FAM107B: variants seen among roughly 807,000 people sequenced by gnomAD.
FAM107B encodes the protein protein FAM107B.
FAM107B carries 21 observed loss-of-function variants against 31.5 expected under a neutral mutation model. That is an observed-to-expected ratio of 0.67 (90% CI 0.47 to 0.96). FAM107B has a LOEUF of 0.96. Among genes scored for constraint, FAM107B ranks in the 40% least tolerant of loss-of-function variants. The probability of loss-of-function intolerance (pLI) is 0.00; values close to 1 mark genes in which losing one functional copy is unlikely to be tolerated. For missense variants in FAM107B, 452 were observed against 377.1 expected (o/e 1.20, Z -1.64); for synonymous variants, 157 against 141.5 (o/e 1.11, Z -0.78).
In FAM107B at chr10:14,634,818, C is replaced by T. The variant is rs12247049; in HGVS notation, c.469+32816G>A. Among the ~76,000 whole-genome samples, 1,183 of 152,142 alleles carry T rather than the reference C, an allele frequency of 7.8e-3. 18 individuals carry two copies. Among genetic ancestry groups the T allele is most frequent in the African/African-American group, 0.027 (1,140 of 41,522 alleles). ...TAGAAACCTCAGTCTTGGCCGGGTG[C>T]GGTGTCTCACGCCTATAATCCAGCA... On this transcript the variant is annotated intron_variant, in intron 2 of 4. Coordinates refer to ENST00000181796, the MANE Select transcript of FAM107B (RefSeq NM_031453.4).
chr10:14,545,588 G>A (rs1848620643), intron 2 of FAM107B, among the ~76,000 whole-genome samples: 1 of 152,210 alleles, frequency 6.6e-6, no homozygotes, highest in African/African-American at 2.4e-5. Context: ...CCTGCTAGAG[G>A]GGAGAGGCCA....
chr10:14,632,017 G>A (rs1853368141), intron 2 of FAM107B, among the ~76,000 whole-genome samples: 2 of 152,094 alleles, frequency 1.3e-5, no homozygotes, highest in African/African-American at 4.8e-5. Flanking sequence ...AAGAAATCTG[G>A]CCAGGCACAG....
intron 1 of FAM107B, among the ~76,000 whole-genome samples, chr10:14,727,727 C>T (rs1051572928): frequency 6.6e-6 from 1 of 152,230 alleles, no homozygotes; most frequent in African/African-American, 2.4e-5. Flanking sequence ...CACTTCCCCA[C>T]TCTCCCACCA....
chr10:14,767,055 T>TATAGAGAGAGAG (rs1440609298), intron 1 of FAM107B, among the ~76,000 whole-genome samples: 6 of 18,280 alleles, frequency 3.3e-4, no homozygotes, highest in African/African-American at 4.6e-4. Flanking sequence ...TATATATATA[T>TATAGAGAGAGAG]AGAGAGAGAG....
chr10:14,596,082 C>T (rs556774341), intron 2 of FAM107B, among the ~76,000 whole-genome samples: 31 of 152,364 alleles, frequency 2.0e-4, no homozygotes, highest in South Asian at 8.3e-4. Context: ...TGGCCGCTGG[C>T]TCCTCCCACA....
chr10:14,737,639 C>CA lies in FAM107B; in HGVS notation c.411+36613dup, dbSNP rs559983182. ...CAAAACAAACAAACAAACAAACAAA[C>CA]AAAAAAGCAAGCATTTTATTTTCAC... On this transcript the variant is annotated intron_variant, in intron 1 of 4. Transcript: ENST00000181796. 2.6e-3 allele frequency among the ~76,000 whole-genome samples: 390 copies of CA among 151,286 alleles called. 2 individuals carry two copies. The highest frequency in any genetic ancestry group is 9.1e-3 in the African/African-American group (372 of 40,826).
At chr10:14,604,343 AGGGCGGCTCCGG>A (rs951803832) in intron 2 of FAM107B, 9 of 799,168 alleles carry the variant, frequency 1.1e-5, no homozygotes, top group African/African-American at 1.9e-5. Flanking sequence ...AGGCGGCGCG[AGGGCGGCTCCGG>A]GGGCGGCGGC....
Position 14,774,716 on chromosome 10 carries a change from G to T in FAM107B, c.-53C>A, listed in dbSNP as rs1298431806. 1.3e-6 allele frequency: 2 copies of T among 1,553,888 alleles called. No homozygotes were observed. The highest frequency in any genetic ancestry group is 1.4e-5 in the African/African-American group (1 of 73,506). On this transcript the variant is annotated 5_prime_UTR_variant, in exon 1 of 5. Coordinates refer to ENST00000181796, the MANE Select transcript of FAM107B (RefSeq NM_031453.4). Reference sequence around the variant, plus strand: ...AAACGGGGCAAGGAAATTTTCCAGGGGTCCACATCACCTCCACTTTGCTTA... The same window carrying T: ...AAACGGGGCAAGGAAATTTTCCAGGTGTCCACATCACCTCCACTTTGCTTA...
At chr10:14,631,047 G>C (rs1853342057) in intron 2 of FAM107B, among the ~76,000 whole-genome samples, 1 of 152,104 alleles carries the variant, frequency 6.6e-6, no homozygotes, top group Non-Finnish European at 1.5e-5. Flanking sequence ...AAACAGGCAT[G>C]AATTTGTCAT....
intron 1 of FAM107B, among the ~76,000 whole-genome samples, chr10:14,712,361 C>T (rs1345195519): frequency 2.0e-5 from 3 of 151,850 alleles, no homozygotes; most frequent in African/African-American, 4.8e-5. Context: ...GAGGCTGAGG[C>T]GGGTGGATCA....
At chr10:14,766,149 C>T (rs191096371) in intron 1 of FAM107B, among the ~76,000 whole-genome samples, 96 of 152,204 alleles carry the variant, frequency 6.3e-4, no homozygotes, top group Non-Finnish European at 1.1e-3. Flanking sequence ...AATAGATATC[C>T]GAGGAGTCTC....
Position 14,662,620 on chromosome 10 carries a change from G to T in FAM107B, c.469+5014C>A, listed in dbSNP as rs574162707. Among the ~76,000 whole-genome samples, 4 of 152,154 alleles carry T rather than the reference G, an allele frequency of 2.6e-5. No individual in the cohort carries two copies. In the South Asian group the frequency reaches 8.3e-4, roughly 32 times the overall value. On this transcript the variant is annotated intron_variant, in intron 2 of 4. Coordinates refer to ENST00000181796, the MANE Select transcript of FAM107B (RefSeq NM_031453.4). ...CTCTGTCCTTCTTTACCTGTTTGTT[G>T]ATGTTTAAAATCCCTTTCATAACCA...
chr10:14,533,368 G>A (rs1411119499), intron 2 of FAM107B, among the ~76,000 whole-genome samples: 2 of 152,176 alleles, frequency 1.3e-5, no homozygotes, highest in African/African-American at 4.8e-5. Context: ...GAGGTTTCCG[G>A]CCTGAGCAAC....
At chr10:14,703,135 C>T (rs1855440240) in intron 1 of FAM107B, among the ~76,000 whole-genome samples, 1 of 152,142 alleles carries the variant, frequency 6.6e-6, no homozygotes, top group South Asian at 2.1e-4. Flanking sequence ...AAAGGTTGGG[C>T]CCCAATGGGA....
At chr10:14,527,674 T>C (rs1233672662) in intron 3 of FAM107B, among the ~76,000 whole-genome samples, 1 of 152,224 alleles carries the variant, frequency 6.6e-6, no homozygotes, top group Non-Finnish European at 1.5e-5. Flanking sequence ...GAGCACCAGA[T>C]GAGACAAAAT....
Position 14,631,659 on chromosome 10 carries a change from T to C in FAM107B, c.469+35975A>G, listed in dbSNP as rs566679625. On this transcript the variant is annotated intron_variant, in intron 2 of 4. Coordinates refer to ENST00000181796, the MANE Select transcript of FAM107B (RefSeq NM_031453.4). Reference sequence around the variant, plus strand: ...AGTGAGCACTGCTAAAAATGACCCCTCTTTTTTCCTTCTCTAACCTCCTGG... The same window carrying C: ...AGTGAGCACTGCTAAAAATGACCCCCCTTTTTTCCTTCTCTAACCTCCTGG... 2.6e-5 allele frequency among the ~76,000 whole-genome samples: 4 copies of C among 152,272 alleles called. No individual in the cohort carries two copies. The East Asian group carries it at 7.7e-4, about 29-fold the overall frequency.
At chr10:14,648,582 G>A (rs892728377) in intron 2 of FAM107B, among the ~76,000 whole-genome samples, 20 of 152,226 alleles carry the variant, frequency 1.3e-4, no homozygotes, top group African/African-American at 4.8e-4. Flanking sequence ...GATACCAGGA[G>A]AAAACCAGAA....
chr10:14,526,839 AATTT>A (rs1369892812), intron 3 of FAM107B, among the ~76,000 whole-genome samples: 1 of 149,408 alleles, frequency 6.7e-6, no homozygotes, highest in Non-Finnish European at 1.5e-5. Flanking sequence ...CAGAAATATT[AATTT>A]TTTTTTTTTT....
intron 2 of FAM107B, among the ~76,000 whole-genome samples, chr10:14,552,851 G>A (rs1036435592): frequency 2.6e-5 from 4 of 152,100 alleles, no homozygotes; most frequent in Admixed American, 2.6e-4. Flanking sequence ...TCACTTCGTT[G>A]TAATGCTTGT....
Sources: gnomAD v4.1 joint callset for allele counts (sites outside exome capture counted in the v4.1 genomes callset) on GRCh38, gnomAD v4.1.1 for gene constraint, MANE v1.5 for transcripts, NCBI Gene and HGNC (gene_info 2026-07-23, HGNC 2026-07-21) for gene names.